PTPRD: variants seen among roughly 807,000 people sequenced by gnomAD.
PTPRD encodes the protein protein tyrosine phosphatase receptor type D, also known as receptor-type tyrosine-protein phosphatase delta.
PTPRD carries 34 observed loss-of-function variants against 214.5 expected under a neutral mutation model. The ratio of observed to expected loss-of-function variants is 0.16; its 90% CI spans 0.12 to 0.21. The LOEUF is 0.21. PTPRD is among the 10% of genes least tolerant of loss of function. The pLI, the probability that PTPRD is intolerant of heterozygous loss-of-function variation, is 1.00. For synonymous variants in PTPRD, 1,128 were observed against 845.7 expected, an observed-to-expected ratio of 1.33 and a Z score of -5.79; for missense variants, 2,545 against 2,398.7, an observed-to-expected ratio of 1.06 and a Z score of -1.27.
intron 12 of PTPRD, among the ~76,000 whole-genome samples, chr9:8,684,525 G>T (rs919566226): frequency 6.6e-6 from 1 of 152,054 alleles, no homozygotes; most frequent in South Asian, 2.1e-4. Flanking sequence ...ATGTGACTAA[G>T]GTCTCAGTTA....
chr9:8,533,540 T>C (rs1000742107), intron 14 of PTPRD, among the ~76,000 whole-genome samples: 5 of 151,962 alleles, frequency 3.3e-5, no homozygotes, highest in Non-Finnish European at 7.4e-5. Context: ...GTAATGGCAG[T>C]ACAATAAAAC....
chr9:8,331,784 G>A (rs776904806), intron 43 of PTPRD, 48 bp from the exon 44 acceptor site: 21 of 1,523,668 alleles, frequency 1.4e-5, no homozygotes, highest in Admixed American at 4.5e-5. Context: ...GACGCCAGGA[G>A]GATTCAGCAA....
At chr9:9,281,053 C>T (rs73390827) in intron 9 of PTPRD, among the ~76,000 whole-genome samples, 2,679 of 151,136 alleles carry the variant, frequency 0.018, 74 homozygotes, top group African/African-American at 0.062. Flanking sequence ...CAACTGAATA[C>T]GCACATTAAA....
chr9:10,093,504 C>G (rs546341924), intron 3 of PTPRD, among the ~76,000 whole-genome samples: 2 of 151,428 alleles, frequency 1.3e-5, no homozygotes, highest in South Asian at 2.1e-4. Flanking sequence ...TGGTGGGAAT[C>G]CAAATTAGTT....
chr9:9,444,288 T>C (rs1440061770), intron 8 of PTPRD, among the ~76,000 whole-genome samples: 1 of 152,176 alleles, frequency 6.6e-6, no homozygotes, highest in Non-Finnish European at 1.5e-5. Context: ...AGAGACCTCA[T>C]TAGAGATTAA....
At chr9:10,230,680 C>G (rs2099606325) in intron 3 of PTPRD, among the ~76,000 whole-genome samples, 1 of 151,970 alleles carries the variant, frequency 6.6e-6, no homozygotes, top group Admixed American at 6.6e-5. Context: ...AAAGTTTCAT[C>G]CAAGTTTTTT....
At chr9:8,822,749 C>A (rs956919668) in intron 11 of PTPRD, among the ~76,000 whole-genome samples, 1 of 152,096 alleles carries the variant, frequency 6.6e-6, no homozygotes, top group African/African-American at 2.4e-5. Context: ...AAGCAATTTG[C>A]CCAAGGTCCC....
intron 14 of PTPRD, among the ~76,000 whole-genome samples, chr9:8,628,305 C>T (rs2096119725): frequency 6.6e-6 from 1 of 151,856 alleles, no homozygotes; most frequent in Admixed American, 6.6e-5. Context: ...AGTTGACTGC[C>T]TTCTCCCTGA....
At chr9:10,135,607 G>C (rs1452291124) in intron 3 of PTPRD, among the ~76,000 whole-genome samples, 1 of 151,994 alleles carries the variant, frequency 6.6e-6, no homozygotes, top group Admixed American at 6.6e-5. Context: ...TTTCAACCAA[G>C]AATTTCATGT....
chr9:9,750,517 A>T (rs1302546110), intron 6 of PTPRD, among the ~76,000 whole-genome samples: 4 of 151,980 alleles, frequency 2.6e-5, no homozygotes, highest in Admixed American at 6.6e-5. Flanking sequence ...TACTTACCTC[A>T]CCATAACCAA....
chr9:9,723,210 C>A (rs1431031620), intron 7 of PTPRD, among the ~76,000 whole-genome samples: 1 of 152,032 alleles, frequency 6.6e-6, no homozygotes, highest in Admixed American at 6.6e-5. Flanking sequence ...AGATAGGGAT[C>A]TGACTTCATT....
At chr9:8,386,958 G>C (rs1409297061) in intron 37 of PTPRD, among the ~76,000 whole-genome samples, 1 of 152,142 alleles carries the variant, frequency 6.6e-6, no homozygotes, top group Non-Finnish European at 1.5e-5. Context: ...TTCTGGACTG[G>C]AGAACAAAGG....
At position 8,527,350 on chromosome 9, in the gene PTPRD, G is replaced by A; in HGVS notation, c.545C>T (p.Ser182Phe). Residue 182 changes from serine to phenylalanine, a missense_variant, in exon 16 of 46, where the codon TCT (serine) becomes TTT (phenylalanine). Transcript: ENST00000381196. ...CTTCAGAACTAAGCACTTACCAATA[G>A]ATTCTGGAGATTTAAATACGGAGAG... ...NGRIKQLRSESIGGTPIRGAL... is the reference protein window; with the variant it reads ...NGRIKQLRSEFIGGTPIRGAL... The A allele has an allele frequency of 6.2e-7, 1 of 1,606,952 alleles. No individual in the cohort carries two copies. The highest frequency in any genetic ancestry group is 8.5e-7 in the Non-Finnish European group (1 of 1,176,552).
intron 14 of PTPRD, among the ~76,000 whole-genome samples, chr9:8,625,780 T>C (rs2096007472): frequency 6.6e-6 from 1 of 151,654 alleles, no homozygotes; most frequent in Admixed American, 6.6e-5. Flanking sequence ...GGAAAGTTTT[T>C]AGATATAAAT....
intron 8 of PTPRD, among the ~76,000 whole-genome samples, chr9:9,510,722 C>A (rs575169569): frequency 6.6e-6 from 1 of 151,480 alleles, no homozygotes; most frequent in South Asian, 2.1e-4. Context: ...GGCGGCCTCA[C>A]CATGATCTCT....
chr9:9,825,465 A>C (rs2052478427), intron 5 of PTPRD, among the ~76,000 whole-genome samples: 1 of 151,528 alleles, frequency 6.6e-6, no homozygotes, highest in African/African-American at 2.4e-5. Flanking sequence ...GAGAGAAAGA[A>C]AGAGACCGAG....
intron 4 of PTPRD, among the ~76,000 whole-genome samples, chr9:9,996,326 T>G (rs971403328): frequency 2.0e-5 from 3 of 152,194 alleles, no homozygotes; most frequent in African/African-American, 7.2e-5. Flanking sequence ...AATAGTAATT[T>G]GTTACACAAT....
chr9:9,883,166 A>ATGT (rs1247193152), intron 5 of PTPRD, among the ~76,000 whole-genome samples: 43 of 152,194 alleles, frequency 2.8e-4, no homozygotes, highest in African/African-American at 1.0e-3. Context: ...CAAGAGGCGA[A>ATGT]CTCCCATCCT....
intron 3 of PTPRD, among the ~76,000 whole-genome samples, chr9:10,234,808 AT>A: frequency 6.6e-6 from 1 of 152,032 alleles, no homozygotes; most frequent in African/African-American, 2.4e-5. Context: ...ACTGAAATAT[AT>A]TTTACTTACC....
Sources: allele counts gnomAD v4.1 joint callset (sites outside exome capture counted in the v4.1 genomes callset), GRCh38; gene constraint gnomAD v4.1.1; transcripts MANE v1.5; gene names NCBI Gene and HGNC (gene_info 2026-07-23, HGNC 2026-07-21).